BAIAP2L1: variants seen among roughly 807,000 people sequenced by gnomAD.
The protein encoded by BAIAP2L1 is BAR/IMD domain containing adaptor protein 2 like 1.
A neutral mutation model predicts 66.3 loss-of-function variants in BAIAP2L1; 35 were observed. The observed-to-expected ratio is 0.53, with a 90% CI of 0.40 to 0.70. BAIAP2L1 has a LOEUF of 0.70. Among genes scored for constraint, BAIAP2L1 ranks in the 30% least tolerant of loss-of-function variants. BAIAP2L1 has a pLI of 0.00. For synonymous variants in BAIAP2L1, 269 were observed against 248.7 expected, an observed-to-expected ratio of 1.08 and a Z score of -0.77; for missense variants, 622 against 656.9, an observed-to-expected ratio of 0.95 and a Z score of 0.58.
At chr7:98,372,733 GTTTTTTTTTT>G (rs34330041) in intron 1 of BAIAP2L1, among the ~76,000 whole-genome samples, 2 of 93,766 alleles carry the variant, frequency 2.1e-5, no homozygotes, top group African/African-American at 8.5e-5. Context: ...ATCGATTTTG[GTTTTTTTTTT>G]TTTTTTTTTT....
chr7:98,365,672 G>A (rs1247859860), intron 1 of BAIAP2L1, among the ~76,000 whole-genome samples: 1 of 152,020 alleles, frequency 6.6e-6, no homozygotes, highest in African/African-American at 2.4e-5. Flanking sequence ...TAGAGACAGG[G>A]TTTTGCCATG....
intron 12 of BAIAP2L1, among the ~76,000 whole-genome samples, chr7:98,295,584 A>G (rs1186373317): frequency 6.6e-6 from 1 of 152,150 alleles, no homozygotes; most frequent in East Asian, 1.9e-4. Flanking sequence ...CTGTTGCAGA[A>G]GGGCCATGGC....
In BAIAP2L1 at chr7:98,315,624, AAAAT is replaced by A. The variant is rs749621567; in HGVS notation, c.487-16_487-13del. 2.2e-5 allele frequency: 26 copies of A among 1,171,986 alleles called. No homozygotes were observed. In the African/African-American group the frequency reaches 2.7e-4, roughly 12 times the overall value. 72.6% of individuals were successfully genotyped at this position (1,171,986 alleles called of 1,614,324 possible). A position where few individuals can be genotyped will look rare whatever the true frequency, so the allele number is the denominator to read the frequency against. On this transcript the variant is annotated splice_polypyrimidine_tract_variant and intron_variant, in intron 6 of 13. Coordinates refer to ENST00000005260, the MANE Select transcript of BAIAP2L1 (RefSeq NM_018842.5). ...ACGGTCTCCACATACTAAAAAAAAAAAAATAATAATAATAATAATTATATAAGCA... is the reference window on the plus strand; with the variant it reads ...ACGGTCTCCACATACTAAAAAAAAAAAATAATAATAATAATTATATAAGCA...
intron 3 of BAIAP2L1, among the ~76,000 whole-genome samples, chr7:98,335,467 C>T (rs1177775661): frequency 1.3e-5 from 2 of 152,186 alleles, no homozygotes; most frequent in Non-Finnish European, 2.9e-5. Flanking sequence ...TATATTTCAT[C>T]ATCTCCTTTA....
intron 8 of BAIAP2L1, among the ~76,000 whole-genome samples, chr7:98,311,453 A>G (rs921026850): frequency 6.6e-6 from 1 of 151,804 alleles, no homozygotes; most frequent in East Asian, 1.9e-4. Flanking sequence ...CTGAGGCAGA[A>G]TGGCGTGAAC....
chr7:98,302,216 G>A (rs1301386972), intron 12 of BAIAP2L1, among the ~76,000 whole-genome samples: 1 of 152,138 alleles, frequency 6.6e-6, no homozygotes, highest in Non-Finnish European at 1.5e-5. Flanking sequence ...TAAGAATGGC[G>A]GCGACAGTAC....
intron 4 of BAIAP2L1, 52 bp from the exon 5 acceptor site, chr7:98,320,181 T>A (rs372284511): frequency 6.3e-7 from 1 of 1,591,300 alleles, no homozygotes; most frequent in African/African-American, 1.3e-5. Context: ...TTAAGCAAAA[T>A]AAGTTCTAAA....
At position 98,317,243 on chromosome 7, in the gene BAIAP2L1, G is replaced by A; in HGVS notation, c.462C>T (p.Leu154=). The A allele has an allele frequency of 6.2e-7, 1 of 1,614,234 alleles. No individual in the cohort carries two copies. Among genetic ancestry groups the A allele is most frequent in the Non-Finnish European group, 8.5e-7 (1 of 1,180,048 alleles). The change falls in exon 6 of 14, where the codon CTC becomes CTT. Residue 154 remains leucine (L), a synonymous_variant. Coordinates refer to ENST00000005260, the MANE Select transcript of BAIAP2L1 (RefSeq NM_018842.5). ...RRKSQGSRNA[L]KYEHKEIEYV... The stretch of plus-strand genomic sequence containing the variant: ...CCTCAATTTCTTTGTGTTCATATTT[G>A]AGTGCGTTTCGGCTTCCTTGGCTTT...
rs774647666 is a variant in BAIAP2L1 at position 98,304,314 on chromosome 7, G to A, written c.1304C>T (p.Pro435Leu). 3 of 1,613,458 alleles carry A rather than the reference G, an allele frequency of 1.9e-6. No homozygotes were observed. Among genetic ancestry groups the A allele is most frequent in the South Asian group, 1.1e-5 (1 of 90,920 alleles). ...CAAGCATTCCAAGTAGTCGGGTGGG[G>A]GGATGACAACACTGCTATTCTCAGA... is the stretch of plus-strand genomic sequence containing the variant. ...NLSENSSVVI[P>L]PPDYLECLSM... Residue 435 changes from proline to leucine, a missense_variant, in exon 12 of 14, where the codon CCC becomes CTC. Physicochemically the swap from Pro to Leu is moderately conservative, Grantham distance 98. Transcript: ENST00000005260.
chr7:98,321,684 C>T (rs971711089), intron 3 of BAIAP2L1, among the ~76,000 whole-genome samples: 9 of 152,158 alleles, frequency 5.9e-5, no homozygotes, highest in Non-Finnish European at 1.3e-4. Flanking sequence ...GGGTCTGACA[C>T]CTAAGAAATG....
At chr7:98,306,590 G>A (rs769259940) in intron 10 of BAIAP2L1, 74 bp from the exon 11 acceptor site, 2 of 1,608,990 alleles carry the variant, frequency 1.2e-6, no homozygotes, top group South Asian at 1.1e-5. Context: ...ACAACCTGGT[G>A]AGAGCTCAGG....
At chr7:98,305,256 T>C (rs941252144) in intron 11 of BAIAP2L1, among the ~76,000 whole-genome samples, 1 of 151,660 alleles carries the variant, frequency 6.6e-6, no homozygotes, top group African/African-American at 2.4e-5. Flanking sequence ...TGGCTCTTGA[T>C]TGATTTAATC....
chr7:98,360,258 G>T (rs1037468606), intron 2 of BAIAP2L1, among the ~76,000 whole-genome samples: 1 of 151,698 alleles, frequency 6.6e-6, no homozygotes, highest in Non-Finnish European at 1.5e-5. Context: ...TAGTGACGGG[G>T]TCTCGAATTC....
At chr7:98,342,519 A>G (rs1201786373) in intron 3 of BAIAP2L1, among the ~76,000 whole-genome samples, 1 of 152,192 alleles carries the variant, frequency 6.6e-6, no homozygotes, top group African/African-American at 2.4e-5. Context: ...CCTGATAGTG[A>G]GGAGATAAAA....
intron 1 of BAIAP2L1, among the ~76,000 whole-genome samples, chr7:98,380,534 A>C (rs918288329): frequency 3.3e-5 from 5 of 151,938 alleles, no homozygotes; most frequent in African/African-American, 1.2e-4. Flanking sequence ...AACCGCCCCC[A>C]TGACTCAAAT....
At chr7:98,327,940 A>G (rs188938929) in intron 3 of BAIAP2L1, among the ~76,000 whole-genome samples, 33 of 152,248 alleles carry the variant, frequency 2.2e-4, no homozygotes, top group African/African-American at 6.5e-4. Context: ...GGCAACCTCA[A>G]TTTTAGAAAA....
chr7:98,304,156 G>A (rs760806354), intron 12 of BAIAP2L1, 40 bp downstream of exon 12: 9 of 1,507,978 alleles, frequency 6.0e-6, no homozygotes, highest in East Asian at 4.9e-5. Flanking sequence ...CGGGGATGGC[G>A]AGTCCAGGAC....
At chr7:98,349,126 T>C (rs950962301) in intron 3 of BAIAP2L1, among the ~76,000 whole-genome samples, 5 of 152,168 alleles carry the variant, frequency 3.3e-5, no homozygotes, top group African/African-American at 1.2e-4. Flanking sequence ...TGTGACCCAA[T>C]GTGGTTGCCC....
At chr7:98,332,719 G>A (rs971141570) in intron 3 of BAIAP2L1, among the ~76,000 whole-genome samples, 1 of 144,572 alleles carries the variant, frequency 6.9e-6, no homozygotes, top group Non-Finnish European at 1.5e-5. Flanking sequence ...TAAGGCAAGA[G>A]AATCACTTGA....
Sources: allele counts gnomAD v4.1 joint callset (sites outside exome capture counted in the v4.1 genomes callset), GRCh38; gene constraint gnomAD v4.1.1; transcripts MANE v1.5; gene names NCBI Gene and HGNC (gene_info 2026-07-23, HGNC 2026-07-21).